Variants in DPP4 observed in about 807,000 individuals in gnomAD.
DPP4 encodes ADCP-2.
Under a neutral mutation model 122.4 loss-of-function variants are expected in DPP4, and 93 were observed. The ratio of observed to expected loss-of-function variants is 0.76; its 90% CI spans 0.64 to 0.90. The LOEUF (loss-of-function observed/expected upper bound fraction) is 0.90, where lower values mean the gene tolerates loss of function less well. Among genes scored for constraint, DPP4 ranks in the 40% least tolerant of loss-of-function variants. DPP4 has a pLI of 0.00. For synonymous variants in DPP4, 321 were observed against 302.9 expected, an observed-to-expected ratio of 1.06 and a Z score of -0.62; for missense variants, 914 against 907.3, an observed-to-expected ratio of 1.01 and a Z score of -0.09.
intron 16 of DPP4, among the ~76,000 whole-genome samples, chr2:162,017,795 G>A (rs927187254): frequency 3.9e-5 from 6 of 152,162 alleles, no homozygotes; most frequent in African/African-American, 1.2e-4. Flanking sequence ...TATGTGTTTG[G>A]ATGATAATAT....
Position 162,054,881 on chromosome 2 carries a change from T to C in DPP4, c.95-7380A>G, listed in dbSNP as rs143971655. Among the ~76,000 whole-genome samples, 1,026 of 152,304 alleles carry C rather than the reference T, an allele frequency of 6.7e-3. 5 individuals are homozygous for C. Among genetic ancestry groups the C allele is most frequent in the East Asian group, 0.031 (161 of 5,184 alleles). ...ACTAATAGCCCATGGGGATTTTCAA[T>C]GATTAAACAAGATAATGTATGTCAT... On this transcript the variant is annotated intron_variant, in intron 2 of 25. Coordinates refer to ENST00000360534, the MANE Select transcript of DPP4 (RefSeq NM_001935.4).
At chr2:162,019,182 A>C in intron 15 of DPP4, 41 bp downstream of exon 15, 1 of 1,532,012 alleles carries the variant, frequency 6.5e-7, no homozygotes, top group Non-Finnish European at 9.0e-7. Context: ...ATTGTTCGTC[A>C]GCTAAAATGA....
At chr2:162,048,110 C>T (rs752955036) in intron 2 of DPP4, among the ~76,000 whole-genome samples, 2 of 152,086 alleles carry the variant, frequency 1.3e-5, no homozygotes, top group Non-Finnish European at 2.9e-5. Flanking sequence ...AGTTTCAGGC[C>T]CTCCTGCTTC....
chr2:162,013,505 G>C (rs1304415705), intron 19 of DPP4, among the ~76,000 whole-genome samples: 2 of 151,868 alleles, frequency 1.3e-5, no homozygotes, highest in Admixed American at 1.3e-4. Context: ...CTAATATCTG[G>C]GTCCTGCCTT....
intron 2 of DPP4, chr2:162,073,113 A>T (rs1271544121): frequency 3.6e-6 from 1 of 277,526 alleles, no homozygotes; most frequent in African/African-American, 2.1e-5. Context: ...TAAATTTAAA[A>T]TTGAAATTTT....
chr2:162,024,865 T>A lies in DPP4; in HGVS notation c.962A>T (p.Asn321Ile). The A allele has an allele frequency of 2.5e-6, 4 of 1,613,988 alleles. No individual in the cohort carries two copies. Among genetic ancestry groups the A allele is most frequent in the Non-Finnish European group, 3.4e-6 (4 of 1,180,024 alleles). ...GTCACAAATATCCATGACCGAATAGTTCTGAATCCTCCTGAGCCACTGCAA... is the reference window on the plus strand; with the variant it reads ...GTCACAAATATCCATGACCGAATAGATCTGAATCCTCCTGAGCCACTGCAA... ...ISLQWLRRIQNYSVMDICDYD... is the reference protein window; with the variant it reads ...ISLQWLRRIQIYSVMDICDYD... Residue 321 changes from asparagine to isoleucine, a missense_variant, in exon 11 of 26, where the codon AAC becomes ATC. Coordinates refer to ENST00000360534, the MANE Select transcript of DPP4 (RefSeq NM_001935.4).
At position 162,035,151 on chromosome 2, in the gene DPP4, C is replaced by T. The variant is rs1401553695; in HGVS notation, c.774+13G>A. ...TCAAATCATGGAACCACTGTACAAACAGGAGCACAGACCTTTGGATATGGA... is the reference window on the plus strand; with the variant it reads ...TCAAATCATGGAACCACTGTACAAATAGGAGCACAGACCTTTGGATATGGA... On this transcript the variant is annotated intron_variant, in intron 9 of 25. Coordinates refer to ENST00000360534, the MANE Select transcript of DPP4 (RefSeq NM_001935.4). The T allele has an allele frequency of 6.2e-7, 1 of 1,607,710 alleles. No homozygotes were observed. The highest frequency in any genetic ancestry group is 8.5e-7 in the Non-Finnish European group (1 of 1,177,600).
chr2:162,050,913 G>A (rs926171694), intron 2 of DPP4, among the ~76,000 whole-genome samples: 3 of 152,168 alleles, frequency 2.0e-5, no homozygotes, highest in Non-Finnish European at 4.4e-5. Context: ...GCAGATGAAG[G>A]TCTTTGGCTG....
At position 162,035,185 on chromosome 2, in the gene DPP4, A is replaced by C. The variant is rs200168688; in HGVS notation, c.753T>G (p.Thr251=). Residue 251 remains threonine, a synonymous_variant, in exon 9 of 26, where the codon ACT becomes ACG. Coordinates refer to ENST00000360534, the MANE Select transcript of DPP4 (RefSeq NM_001935.4). ...YSDESLQYPK[T]VRVPYPKAGA... is the part of the protein sequence containing the mutation. ...AGACCTTTGGATATGGAACCCGTACAGTCTTTGGGTACTGCAGTGACTCAT... is the reference window on the plus strand; with the variant it reads ...AGACCTTTGGATATGGAACCCGTACCGTCTTTGGGTACTGCAGTGACTCAT... The C allele has an allele frequency of 1.2e-6, 2 of 1,613,616 alleles. No homozygotes were observed. Among genetic ancestry groups the C allele is most frequent in the South Asian group, 2.2e-5 (2 of 91,004 alleles).
At position 161,995,048 on chromosome 2, in the gene DPP4, A is replaced by G. The variant is rs1434428037; in HGVS notation, c.2126-14T>C. 6.2e-7 allele frequency: 1 copy of G among 1,613,964 alleles called. No individual in the cohort carries two copies. The highest frequency in any genetic ancestry group is 1.1e-5 in the South Asian group (1 of 91,078). Reference sequence around the variant, plus strand: ...AGTGAACGTTATCTGCAGGGAGAGAAAGGAAACATAAAGTAGCTAATAGCC... The same window carrying G: ...AGTGAACGTTATCTGCAGGGAGAGAGAGGAAACATAAAGTAGCTAATAGCC... On this transcript the variant is annotated splice_polypyrimidine_tract_variant and intron_variant, in intron 24 of 25. Transcript: ENST00000360534.
intron 12 of DPP4, among the ~76,000 whole-genome samples, chr2:162,022,490 G>A (rs181441740): frequency 6.6e-6 from 1 of 152,248 alleles, no homozygotes; most frequent in Admixed American, 6.5e-5. Flanking sequence ...TAACTTGCTG[G>A]GAGTTACAAC....
At chr2:162,025,947 C>A (rs897643650) in intron 10 of DPP4, among the ~76,000 whole-genome samples, 1 of 152,162 alleles carries the variant, frequency 6.6e-6, no homozygotes, top group African/African-American at 2.4e-5. Flanking sequence ...TGCTTGACTG[C>A]AAGCTCTTTT....
chr2:162,018,927 T>C (rs976696690), intron 15 of DPP4, 77 bp from the exon 16 acceptor site: 3 of 1,563,548 alleles, frequency 1.9e-6, no homozygotes, highest in African/African-American at 2.8e-5. Flanking sequence ...AGCCATATTC[T>C]AGTTTCAAAG....
At chr2:162,054,973 T>C (rs1231275145) in intron 2 of DPP4, among the ~76,000 whole-genome samples, 2 of 152,206 alleles carry the variant, frequency 1.3e-5, no homozygotes, top group African/African-American at 4.8e-5. Flanking sequence ...ATTATTGTTT[T>C]GTTCCAAGCA....
intron 19 of DPP4, among the ~76,000 whole-genome samples, chr2:162,012,548 A>G (rs1682739973): frequency 6.6e-6 from 1 of 152,164 alleles, no homozygotes; most frequent in Non-Finnish European, 1.5e-5. Context: ...CTTCAGAGGA[A>G]GAAACAGGTT....
chr2:162,036,647 T>C (rs1346235837), intron 8 of DPP4, among the ~76,000 whole-genome samples: 1 of 152,212 alleles, frequency 6.6e-6, no homozygotes, highest in Non-Finnish European at 1.5e-5. Context: ...ACTTCCGGGT[T>C]AAGCAGCCTA....
chr2:162,015,153 T>A (rs1352354036), intron 18 of DPP4, among the ~76,000 whole-genome samples: 1 of 152,212 alleles, frequency 6.6e-6, no homozygotes, highest in Non-Finnish European at 1.5e-5. Flanking sequence ...TACTAATAGA[T>A]CTATAAAAAA....
At chr2:162,051,851 A>C (rs184733451) in intron 2 of DPP4, among the ~76,000 whole-genome samples, 58 of 152,344 alleles carry the variant, frequency 3.8e-4, no homozygotes, top group African/African-American at 1.4e-3. Flanking sequence ...TGAATCAGAG[A>C]GCCTGGATTT....
intron 2 of DPP4, among the ~76,000 whole-genome samples, chr2:162,055,887 TC>T (rs531495012): frequency 6.6e-6 from 1 of 152,140 alleles, no homozygotes; most frequent in African/African-American, 2.4e-5. Context: ...GGGGTTTAGT[TC>T]CCCCTCCTCC....
Sources: allele counts gnomAD v4.1 joint callset (sites outside exome capture counted in the v4.1 genomes callset), GRCh38; gene constraint gnomAD v4.1.1; transcripts MANE v1.5; gene names NCBI Gene and HGNC (gene_info 2026-07-23, HGNC 2026-07-21).